RALYL: variants seen among roughly 807,000 people sequenced by gnomAD.
RALYL encodes RALY RNA binding protein like, also known as RNA-binding Raly-like protein.
RALYL carries 29 observed loss-of-function variants against 35.1 expected under a neutral mutation model. The ratio of observed to expected loss-of-function variants is 0.83; its 90% CI spans 0.61 to 1.13. The LOEUF (loss-of-function observed/expected upper bound fraction) is 1.13, where lower values mean the gene tolerates loss of function less well. RALYL is among the 50% of genes most tolerant of loss of function. The pLI, the probability that RALYL is intolerant of heterozygous loss-of-function variation, is 0.00. For missense variants in RALYL, 359 were observed against 360.4 expected, an observed-to-expected ratio of 1.00 and a Z score of 0.03; for synonymous variants, 120 against 127.6, an observed-to-expected ratio of 0.94 and a Z score of 0.40.
At chr8:84,372,886 GTTTTT>G (rs76885544) in intron 1 of RALYL, among the ~76,000 whole-genome samples, 25 of 39,068 alleles carry the variant, frequency 6.4e-4, no homozygotes, top group African/African-American at 2.1e-3. Context: ...GCCAGCATCT[GTTTTT>G]TTTTTTTTTT....
chr8:84,348,262 C>T (rs553075670), intron 1 of RALYL, among the ~76,000 whole-genome samples: 53 of 152,262 alleles, frequency 3.5e-4, no homozygotes, highest in African/African-American at 1.3e-3. Flanking sequence ...AAGTAACTCA[C>T]TATTTGGTAT....
intron 1 of RALYL, among the ~76,000 whole-genome samples, chr8:84,381,199 C>T (rs889434854): frequency 7.9e-5 from 12 of 151,838 alleles, no homozygotes; most frequent in African/African-American, 2.4e-4. Flanking sequence ...GACATTTAAG[C>T]CTGCTTGTTC....
chr8:84,737,606 C>A (rs1163187398), intron 2 of RALYL, among the ~76,000 whole-genome samples: 1 of 151,908 alleles, frequency 6.6e-6, no homozygotes, highest in African/African-American at 2.4e-5. Flanking sequence ...ATCATGTTTT[C>A]ATTTAAAAAT....
chr8:84,506,536 G>A (rs1287564115), intron 1 of RALYL, among the ~76,000 whole-genome samples: 1 of 151,922 alleles, frequency 6.6e-6, no homozygotes, highest in Non-Finnish European at 1.5e-5. Flanking sequence ...GATGTTTCAG[G>A]CTTGGAAATG....
chr8:84,336,716 G>T (rs1053957950), intron 1 of RALYL, among the ~76,000 whole-genome samples: 9 of 151,870 alleles, frequency 5.9e-5, no homozygotes, highest in Admixed American at 5.3e-4. Context: ...TTTCCTTTTC[G>T]TGGTATTAAA....
At chr8:84,236,817 G>C (rs1826680828) in intron 1 of RALYL, among the ~76,000 whole-genome samples, 1 of 152,130 alleles carries the variant, frequency 6.6e-6, no homozygotes, top group South Asian at 2.1e-4. Flanking sequence ...AAAGAAAATG[G>C]TTTCATGCTT....
intron 1 of RALYL, among the ~76,000 whole-genome samples, chr8:84,282,748 G>A (rs1257752799): frequency 2.9e-3 from 1 of 348 alleles, no homozygotes; most frequent in African/African-American, 4.5e-3. Flanking sequence ...ATGTGTATGC[G>A]TGTGTGTGTG....
At chr8:84,782,031 GCACACA>G (rs35098202) in intron 3 of RALYL, among the ~76,000 whole-genome samples, 2,274 of 148,634 alleles carry the variant, frequency 0.015, 55 homozygotes, top group African/African-American at 0.049. Context: ...GCACACGCGC[GCACACA>G]CACACACACA....
intron 1 of RALYL, 26 bp from the exon 2 acceptor site, chr8:84,529,273 T>A (rs2059115901): frequency 6.5e-7 from 1 of 1,541,370 alleles, no homozygotes. Context: ...GATTATTTGT[T>A]TTGTTTGTTT....
At chr8:84,634,481 G>A (rs1047101733) in intron 2 of RALYL, among the ~76,000 whole-genome samples, 5 of 151,606 alleles carry the variant, frequency 3.3e-5, no homozygotes, top group African/African-American at 7.3e-5. Context: ...TGAAATATTC[G>A]TCCTATTGGA....
chr8:84,643,458 A>G (rs1379012946), intron 2 of RALYL, among the ~76,000 whole-genome samples: 2 of 152,038 alleles, frequency 1.3e-5, no homozygotes, highest in African/African-American at 4.8e-5. Context: ...TGCAGCAGGA[A>G]GAGAAAGAGG....
At chr8:84,690,056 A>G (rs1164303238) in intron 2 of RALYL, among the ~76,000 whole-genome samples, 1 of 152,148 alleles carries the variant, frequency 6.6e-6, no homozygotes. Context: ...TGAAATCAGT[A>G]TGTGGAAATA....
intron 1 of RALYL, among the ~76,000 whole-genome samples, chr8:84,326,563 A>T (rs1382177475): frequency 1.3e-5 from 2 of 152,336 alleles, no homozygotes; most frequent in Admixed American, 1.3e-4. Context: ...AAATAATATC[A>T]TAACGAAAAG....
In RALYL at chr8:84,532,703, A is replaced by T. The variant is rs11987340; in HGVS notation, c.256+3126A>T. ...CTCAAATAATGCATATTTGTACATC[A>T]TTTTCTGAAAAGGAACAATCTTTTA... On this transcript the variant is annotated intron_variant, in intron 2 of 8. Coordinates refer to ENST00000521268, the MANE Select transcript of RALYL (RefSeq NM_173848.7). 5.1e-3 allele frequency among the ~76,000 whole-genome samples: 778 copies of T among 152,102 alleles called. 9 individuals carry two copies. Among genetic ancestry groups the T allele is most frequent in the African/African-American group, 0.017 (714 of 41,532 alleles).
rs895646300 is a variant in RALYL at position 84,522,492 on chromosome 8, G to A, written c.-23-6807G>A. Among the ~76,000 whole-genome samples, 436 of 151,860 alleles carry A rather than the reference G, an allele frequency of 2.9e-3. 1 individual carries two copies. The highest frequency in any genetic ancestry group is 9.9e-3 in the African/African-American group (411 of 41,444). ...TCTCGATCTCCTGACCTCGTGATCC[G>A]CCCGCCTCGGCCTCCCAAAGTGCTG... On this transcript the variant is annotated intron_variant, in intron 1 of 8. Coordinates refer to ENST00000521268, the MANE Select transcript of RALYL (RefSeq NM_173848.7).
intron 8 of RALYL, among the ~76,000 whole-genome samples, chr8:84,903,230 C>T (rs1366383560): frequency 6.6e-6 from 1 of 152,002 alleles, no homozygotes; most frequent in Non-Finnish European, 1.5e-5. Flanking sequence ...AGAAAAGTTG[C>T]AGTGATCTCA....
At chr8:84,397,661 T>G (rs2042479061) in intron 1 of RALYL, among the ~76,000 whole-genome samples, 1 of 152,218 alleles carries the variant, frequency 6.6e-6, no homozygotes, top group South Asian at 2.1e-4. Flanking sequence ...ACTAGAATTT[T>G]ATGAAATGAC....
intron 1 of RALYL, among the ~76,000 whole-genome samples, chr8:84,364,590 A>G (rs113542166): frequency 0.047 from 7,210 of 152,214 alleles, 230 homozygotes; most frequent in African/African-American, 0.082. Context: ...AATATAAAAC[A>G]TCTACTGCTA....
At chr8:84,878,088 C>A (rs1001025030) in intron 7 of RALYL, among the ~76,000 whole-genome samples, 1 of 152,042 alleles carries the variant, frequency 6.6e-6, no homozygotes, top group African/African-American at 2.4e-5. Context: ...GCATCATATT[C>A]CCCTGGAAAA....
Sources: gnomAD v4.1 joint callset for allele counts (sites outside exome capture counted in the v4.1 genomes callset) on GRCh38, gnomAD v4.1.1 for gene constraint, MANE v1.5 for transcripts, NCBI Gene and HGNC (gene_info 2026-07-23, HGNC 2026-07-21) for gene names.